Variants in MESD observed in about 807,000 individuals in gnomAD.
The protein encoded by MESD is mesoderm development LRP chaperone, also known as LRP chaperone MESD.
Under a neutral mutation model 12.9 loss-of-function variants are expected in MESD, and 7 were observed. The observed-to-expected ratio is 0.54, with a 90% CI of 0.31 to 1.02. The LOEUF (loss-of-function observed/expected upper bound fraction) is 1.02, where lower values mean the gene tolerates loss of function less well. Ranked by LOEUF, MESD falls within the 50% of genes least tolerant of loss-of-function variation. The pLI is 0.05. For missense variants in MESD, 342 were observed against 296.7 expected (o/e 1.15, Z -1.12); for synonymous variants, 126 against 115.6 (o/e 1.09, Z -0.58).
At chr15:80,985,639 CTTTTTTTT>C (rs11425497) in intron 1 of MESD, among the ~76,000 whole-genome samples, 1,618 of 89,060 alleles carry the variant, frequency 0.018, 48 homozygotes, top group African/African-American at 0.071. Context: ...TCCCAAGCAG[CTTTTTTTT>C]TTTTTTTTTT....
chr15:80,975,218 AAAC>A (rs780171355), downstream of MESD, among the ~76,000 whole-genome samples: 36 of 148,918 alleles, frequency 2.4e-4, 1 homozygote, highest in Non-Finnish European at 4.2e-4. Context: ...CAAAAAAAAA[AAAC>A]AAAAAAAAAA....
At chr15:80,953,169 G>A in intron 3 of MESD, 1 of 440,758 alleles carries the variant, frequency 2.3e-6, no homozygotes, top group South Asian at 1.6e-5. Context: ...CAAAGTGGAA[G>A]GTGGGTTGGG....
At chr15:80,950,462 C>T (rs1901768530) in intron 4 of MESD, 1 of 152,310 alleles carries the variant, frequency 6.6e-6, no homozygotes, top group African/African-American at 2.4e-5. Context: ...TCCCAGCGCA[C>T]ACAAACCCGC....
At chr15:80,966,908 C>T (rs1313714522) in intron 3 of MESD, among the ~76,000 whole-genome samples, 1 of 152,176 alleles carries the variant, frequency 6.6e-6, no homozygotes, top group Admixed American at 6.5e-5. Flanking sequence ...TTGGGCAGTT[C>T]CGCTGGTTAA....
At position 80,976,249 on chromosome 15, in the gene MESD, C is replaced by T. The variant is rs1902414443; in HGVS notation, c.*2970G>A. ...CAACTGATCCACCCACCTCGGCCTC[C>T]CAAAGTACTGGGATTACAGGCGTGA... is the stretch of plus-strand genomic sequence containing the variant. On this transcript the variant is annotated 3_prime_UTR_variant, in exon 3 of 3. Coordinates refer to ENST00000261758, the MANE Select transcript of MESD (RefSeq NM_015154.3). The T allele has an allele frequency of 6.6e-6, 1 of 152,462 alleles. No homozygotes were observed. The highest frequency in any genetic ancestry group is 6.5e-5 in the Admixed American group (1 of 15,284). The allele number at this position is 152,462 out of a possible 1,614,324, so 9.4% of individuals were successfully genotyped here. A position where few individuals can be genotyped will look rare whatever the true frequency, so the allele number is the denominator to read the frequency against.
intron 3 of MESD, chr15:80,970,555 G>A (rs1017613239): frequency 4.6e-5 from 7 of 152,206 alleles, no homozygotes; most frequent in African/African-American, 1.7e-4. Flanking sequence ...TCAAAAACGT[G>A]TTCTTCATCA....
chr15:80,983,734 TGCCATGGAA>T (rs1296097942), intron 1 of MESD, among the ~76,000 whole-genome samples: 1 of 152,062 alleles, frequency 6.6e-6, no homozygotes, highest in African/African-American at 2.4e-5. Context: ...CATGTCAAAA[TGCCATGGAA>T]GCCAACTTGA....
intron 3 of MESD, among the ~76,000 whole-genome samples, chr15:80,966,778 G>T (rs1423788888): frequency 6.6e-6 from 1 of 152,148 alleles, no homozygotes. Flanking sequence ...TTTGATTCAG[G>T]CCCTCTTCTT....
Position 80,989,663 on chromosome 15 carries a change from C to A in MESD, c.129G>T (p.Glu43Asp). The A allele has an allele frequency of 6.2e-7, 1 of 1,613,700 alleles. No homozygotes were observed. Among genetic ancestry groups the A allele is most frequent in the South Asian group, 1.1e-5 (1 of 91,080 alleles). The change falls in exon 1 of 3, where the codon GAG (glutamate) becomes GAT (aspartate). Residue 43 changes from glutamate (E) to aspartate (D), a missense_variant. Coordinates refer to ENST00000261758, the MANE Select transcript of MESD (RefSeq NM_015154.3). ...TCTTCTTCCGGGGAGGTGGGGTAGA[C>A]TCGTCGGGCGTCCCGGGCGAGCCTT... ...AAEGSPGTPD[E>D]STPPPRKKKK...
At chr15:80,965,917 C>A (rs560854529) in intron 3 of MESD, among the ~76,000 whole-genome samples, 1 of 151,854 alleles carries the variant, frequency 6.6e-6, no homozygotes, top group Admixed American at 6.6e-5. Context: ...CAAACCTGCA[C>A]GTTGTGCACA....
intron 1 of MESD, among the ~76,000 whole-genome samples, chr15:80,986,478 A>C (rs1037835536): frequency 4.6e-5 from 7 of 152,208 alleles, no homozygotes; most frequent in Admixed American, 4.6e-4. Context: ...CCCTGAATTG[A>C]CCATTACATT....
chr15:80,948,682 T>C, exon 5 of MESD: 2 of 1,373,198 alleles, frequency 1.5e-6, no homozygotes, highest in South Asian at 2.3e-5. Flanking sequence ...CAGTGCAGTG[T>C]GGCTAGGCGG....
chr15:80,984,652 T>A (rs528638392), intron 1 of MESD, among the ~76,000 whole-genome samples: 30 of 152,274 alleles, frequency 2.0e-4, no homozygotes, highest in Middle Eastern at 3.4e-3. Flanking sequence ...ATGATAAAAA[T>A]GTTCTAAAAT....
At chr15:80,973,119 TA>T (rs1447977312), downstream of MESD, among the ~76,000 whole-genome samples, 1 of 152,160 alleles carries the variant, frequency 6.6e-6, no homozygotes, top group Non-Finnish European at 1.5e-5. Flanking sequence ...TGATGACAAA[TA>T]TGTGAATATA....
At chr15:80,982,727 G>A (rs954251039) in intron 1 of MESD, among the ~76,000 whole-genome samples, 1 of 152,146 alleles carries the variant, frequency 6.6e-6, no homozygotes, top group African/African-American at 2.4e-5. Flanking sequence ...CTTTTCTGGG[G>A]TGATGAAAAT....
downstream of MESD, among the ~76,000 whole-genome samples, chr15:80,973,768 TTTTTA>T (rs1419843275): frequency 6.6e-6 from 1 of 152,212 alleles, no homozygotes; most frequent in Non-Finnish European, 1.5e-5. Context: ...TTTTGTTTTT[TTTTTA>T]AAGAAAACAT....
At chr15:80,964,125 C>T (rs934011262) in intron 3 of MESD, among the ~76,000 whole-genome samples, 20 of 152,232 alleles carry the variant, frequency 1.3e-4, no homozygotes, top group African/African-American at 4.8e-4. Flanking sequence ...GCAACTTCAG[C>T]AAAGTCTCAG....
At chr15:80,967,361 G>A (rs1351179515) in intron 3 of MESD, among the ~76,000 whole-genome samples, 1 of 152,122 alleles carries the variant, frequency 6.6e-6, no homozygotes. Flanking sequence ...TTAGAGCAAG[G>A]ACCTCAGAGA....
At position 80,989,701 on chromosome 15, in the gene MESD, A is replaced by G; in HGVS notation, c.91T>C (p.Ser31Pro). ...LLLLLLPPPG[S>P]CAAEGSPGTP... ...CCGGGCGAGCCTTCGGCCGCGCAGG[A>G]CCCAGGCGGTGGTAGCAGTAGCAGC... Residue 31 changes from serine (S) to proline (P), a missense_variant, in exon 1 of 3, where the codon TCC (serine) becomes CCC (proline). Ser to Pro is a moderately conservative substitution (Grantham distance 74, BLOSUM62 -1). Coordinates refer to ENST00000261758, the MANE Select transcript of MESD (RefSeq NM_015154.3). The G allele has an allele frequency of 6.2e-7, 1 of 1,611,804 alleles. No individual in the cohort carries two copies. Among genetic ancestry groups the G allele is most frequent in the Non-Finnish European group, 8.5e-7 (1 of 1,179,980 alleles).
Sources: gnomAD v4.1 joint callset for allele counts (sites outside exome capture counted in the v4.1 genomes callset) on GRCh38, gnomAD v4.1.1 for gene constraint, MANE v1.5 for transcripts, NCBI Gene and HGNC (gene_info 2026-07-23, HGNC 2026-07-21) for gene names.